Variants in ARHGEF25 observed in about 807,000 individuals in gnomAD.
ARHGEF25 encodes the protein Rho guanine nucleotide exchange factor 25, also known as RAC/CDC42 exchange factor.
Under a neutral mutation model 74.0 loss-of-function variants are expected in ARHGEF25, and 42 were observed. The ratio of observed to expected loss-of-function variants is 0.57; its 90% CI spans 0.44 to 0.73. The LOEUF is 0.73. Ranked by LOEUF, ARHGEF25 falls within the 30% of genes least tolerant of loss-of-function variation. ARHGEF25 has a pLI of 0.00. For synonymous variants in ARHGEF25, 293 were observed against 278.6 expected (o/e 1.05, Z -0.51); for missense variants, 645 against 725.5 (o/e 0.89, Z 1.27).
At chr12:57,613,955 C>T (rs1884169152) in intron 5 of ARHGEF25, 61 bp from the exon 6 acceptor site, 1 of 1,547,954 alleles carries the variant, frequency 6.5e-7, no homozygotes, top group Non-Finnish European at 8.9e-7. Flanking sequence ...TGTACAGGAG[C>T]ACCATTAAGG....
Position 57,615,594 on chromosome 12 carries a change from C to T in ARHGEF25, c.1121C>T (p.Ser374Phe), listed in dbSNP as rs1884247206. ...TEPEAGGLLS[S>F]RGRERRVFLF... ...CCTGAGGCTGGAGGGCTGCTGTCTT[C>T]CCGAGGTCGAGAGAGGCGCGTCTTC... Residue 374 changes from serine (S) to phenylalanine (F), a missense_variant, in exon 12 of 15, where the codon TCC becomes TTC. Physicochemically the swap from Ser to Phe is radical, Grantham distance 155. Around this residue, in one of 3 missense-constraint regions of ARHGEF25, gnomAD observed 262 missense variants for 256.9 expected, o/e 1.02. Transcript: ENST00000286494. The T allele has an allele frequency of 1.2e-6, 2 of 1,614,070 alleles. No individual in the cohort carries two copies. The highest frequency in any genetic ancestry group is 1.7e-5 in the Admixed American group (1 of 60,004).
intron 14 of ARHGEF25, 142 bp downstream of exon 14, chr12:57,616,637 A>G (rs1594963484): frequency 4.0e-6 from 4 of 1,007,514 alleles, no homozygotes; most frequent in South Asian, 1.6e-5. Context: ...TCTCCCCTCT[A>G]TTTTAACTCT....
rs1179265081 is a variant in ARHGEF25, at chr12:57,612,941, A to T, written c.109A>T (p.Ile37Phe). Reference sequence around the variant, plus strand: ...TTTCCTCCCATTAGAATCCTATTCCATTGCGGGCAGTGAGGGGAGTATATC... The same window carrying T: ...TTTCCTCCCATTAGAATCCTATTCCTTTGCGGGCAGTGAGGGGAGTATATC... The part of the protein sequence containing the change: ...FARGGRESYS[I>F]AGSEGSISAS... The change falls in exon 2 of 15, where the codon ATT (isoleucine) becomes TTT (phenylalanine). Residue 37 changes from isoleucine to phenylalanine, a missense_variant. By Grantham distance (21) the Ile-to-Phe change is conservative (BLOSUM62 0). Coordinates refer to ENST00000286494, the MANE Select transcript of ARHGEF25 (RefSeq NM_182947.4). The T allele has an allele frequency of 6.2e-7, 1 of 1,613,920 alleles. No homozygotes were observed. Among genetic ancestry groups the T allele is most frequent in the South Asian group, 1.1e-5 (1 of 91,062 alleles).
In ARHGEF25 at chr12:57,611,703, C is replaced by T; in HGVS notation, c.-192C>T. On this transcript the variant is annotated 5_prime_UTR_variant, in exon 1 of 15. Transcript: ENST00000286494. This position sits in a 1 kb window ranked among gnomAD's most constrained non-coding sequence, Gnocchi z 4.5. ...CGCGCCTCTCTCTCTCTAGAGCCCC[C>T]AGCCCTCCTCAAGACTAGACTTCCG... is the stretch of plus-strand genomic sequence containing the variant. The T allele has an allele frequency of 8.6e-7, 1 of 1,164,618 alleles. No homozygotes were observed. The highest frequency in any genetic ancestry group is 1.1e-6 in the Non-Finnish European group (1 of 945,044). 72.1% of individuals were successfully genotyped at this position (1,164,618 alleles called of 1,614,324 possible).
At chr12:57,615,771 G>T in intron 12 of ARHGEF25, 59 bp downstream of exon 12, 1 of 1,611,178 alleles carries the variant, frequency 6.2e-7, no homozygotes, top group Non-Finnish European at 8.5e-7. Flanking sequence ...GCCTCTGAGA[G>T]GATGTCTCAG....
rs1405689214 is a variant in ARHGEF25, at chr12:57,613,340, G to T, written c.389G>T (p.Gly130Val). 6.2e-7 allele frequency: 1 copy of T among 1,614,228 alleles called. No homozygotes were observed. The highest frequency in any genetic ancestry group is 8.5e-7 in the Non-Finnish European group (1 of 1,180,038). ...ELTLLTTLLEGPGDKTQPPEE... is the reference protein window; with the variant it reads ...ELTLLTTLLEVPGDKTQPPEE... The stretch of plus-strand genomic sequence containing the variant: ...ACCTTGCTGACCACACTGTTGGAGG[G>T]CCCTGGAGATAAGACGCAGGTGTGA... The change falls in exon 3 of 15, where the codon GGC becomes GTC. Residue 130 changes from glycine to valine, a missense_variant. Transcript: ENST00000286494.
chr12:57,610,753 C>A (rs1045804254), upstream of ARHGEF25: 65 of 1,322,156 alleles, frequency 4.9e-5, 1 homozygote, highest in African/African-American at 5.2e-4. Context: ...CAAAAATATT[C>A]TATTCTTATT....
At position 57,613,122 on chromosome 12, in the gene ARHGEF25, G is replaced by C; in HGVS notation, c.290G>C (p.Ser97Thr). Residue 97 changes from serine to threonine, a missense_variant, in exon 2 of 15, where the codon AGT (serine) becomes ACT (threonine). Physicochemically the swap from Ser to Thr is moderately conservative, Grantham distance 58. This residue lies in a region of ARHGEF25 where 189 missense variants were observed against 199.1 expected (regional missense o/e 0.95). Transcript: ENST00000286494. Reference protein sequence around the residue: ...HCLSVETEADSGQAGPYENWM... With the variant: ...HCLSVETEADTGQAGPYENWM... Reference sequence around the variant, plus strand: ...CTCAGTGTGGAAACTGAGGCAGACAGTGGTCAGGCAGGACCATATGAGGTG... The same window carrying C: ...CTCAGTGTGGAAACTGAGGCAGACACTGGTCAGGCAGGACCATATGAGGTG... The C allele has an allele frequency of 6.2e-7, 1 of 1,613,418 alleles. No homozygotes were observed. Among genetic ancestry groups the C allele is most frequent in the South Asian group, 1.1e-5 (1 of 91,076 alleles).
At chr12:57,615,179 T>A in intron 10 of ARHGEF25, 58 bp from the exon 11 acceptor site, 1 of 1,562,454 alleles carries the variant, frequency 6.4e-7, no homozygotes. Flanking sequence ...CGAGGAGGCC[T>A]CTTTCCCAAT....
intron 13 of ARHGEF25, 73 bp downstream of exon 13, chr12:57,616,090 C>T: frequency 6.5e-7 from 1 of 1,540,970 alleles, no homozygotes; most frequent in Admixed American, 1.9e-5. Flanking sequence ...ACTGCCCAGT[C>T]TCCAGTACCT....
intron 14 of ARHGEF25, 102 bp downstream of exon 14, chr12:57,616,597 T>C (rs1192661706): frequency 4.3e-6 from 5 of 1,155,708 alleles, no homozygotes; most frequent in Non-Finnish European, 6.2e-6. Flanking sequence ...TCCTTTTATC[T>C]GGTCCTTCCT....
At chr12:57,615,363 G>A (rs1359924061) in intron 11 of ARHGEF25, 49 bp downstream of exon 11, 2 of 1,583,566 alleles carry the variant, frequency 1.3e-6, no homozygotes, top group Non-Finnish European at 8.6e-7. Flanking sequence ...TTCTGCCCCA[G>A]CCCTAGCATT....
chr12:57,611,184 C>A (rs1350292559), upstream of ARHGEF25, among the ~76,000 whole-genome samples: 2 of 152,256 alleles, frequency 1.3e-5, no homozygotes, highest in African/African-American at 4.8e-5. This position sits in a 1 kb window ranked among gnomAD's most constrained non-coding sequence, Gnocchi z 4.5. Context: ...GCAGACCCTG[C>A]AGACAGGCTG....
chr12:57,612,177 T>C (rs1421852315), intron 1 of ARHGEF25, 186 bp downstream of exon 1: 3 of 383,606 alleles, frequency 7.8e-6, no homozygotes, highest in Non-Finnish European at 1.3e-5. Flanking sequence ...GTTAAGGAAA[T>C]AGGGGAAGGG....
rs1460119506 is a variant in ARHGEF25, at chr12:57,613,420, A to T, written c.409-20A>T. ...CAAGGGGCATTCGTTTGCTCACCCT[A>T]GGATGTTCTTTCCTTCCAGCCACCT... On this transcript the variant is annotated intron_variant, in intron 3 of 14. Transcript: ENST00000286494. 6.2e-7 allele frequency: 1 copy of T among 1,614,036 alleles called. No individual in the cohort carries two copies. Among genetic ancestry groups the T allele is most frequent in the South Asian group, 1.1e-5 (1 of 91,088 alleles).
rs779255903 is a variant in ARHGEF25, at chr12:57,616,750, CT to C, written c.1633-29del. ...AGAGAAGTGAGGGTAGATTTCTGGC[CT>C]TTTTGATCCTCTGACTTGAATCTTT... On this transcript the variant is annotated intron_variant, in intron 14 of 14. Transcript: ENST00000286494. 4.7e-6 allele frequency: 7 copies of C among 1,489,342 alleles called. No individual in the cohort carries two copies. The African/African-American group carries it at 8.4e-5, about 18-fold the overall frequency. 92.3% of individuals were successfully genotyped at this position (1,489,342 alleles called of 1,614,324 possible).
intron 5 of ARHGEF25, 104 bp downstream of exon 5, chr12:57,613,864 C>G: frequency 6.6e-7 from 1 of 1,505,502 alleles, no homozygotes; most frequent in Non-Finnish European, 9.1e-7. Flanking sequence ...CCTCTCAAGC[C>G]TCCCCACTCC....
intron 1 of ARHGEF25, 121 bp from the exon 2 acceptor site, chr12:57,612,809 G>A: frequency 2.0e-6 from 3 of 1,505,964 alleles, no homozygotes; most frequent in East Asian, 2.3e-5. Flanking sequence ...GATGGCAAGA[G>A]AGTGAGCCCT....
rs762737367 is a variant in ARHGEF25, at chr12:57,615,969, A to T, written c.1372A>T (p.Ile458Phe). ...AGACCCTGCTATCAGTCAGGCCTGG[A>T]TCAAGCATGTGGCTCAGATCTTGGA... Reference protein sequence around the residue: ...AADPAISQAWIKHVAQILESQ... With the variant: ...AADPAISQAWFKHVAQILESQ... Residue 458 changes from isoleucine to phenylalanine, a missense_variant, in exon 13 of 15, where the codon ATC (isoleucine) becomes TTC (phenylalanine). Physicochemically the swap from Ile to Phe is conservative, Grantham distance 21 (BLOSUM62 0). Coordinates refer to ENST00000286494, the MANE Select transcript of ARHGEF25 (RefSeq NM_182947.4). 17 of 1,613,896 alleles carry T rather than the reference A, an allele frequency of 1.1e-5. No homozygotes were observed. The highest frequency in any genetic ancestry group is 1.4e-5 in the Non-Finnish European group (17 of 1,179,948).
Sources: allele counts gnomAD v4.1 joint callset (sites outside exome capture counted in the v4.1 genomes callset), GRCh38; gene constraint gnomAD v4.1.1; regional missense constraint gnomAD v4.1.1; non-coding constraint Gnocchi (gnomAD v3.1); transcripts MANE v1.5; gene names NCBI Gene and HGNC (gene_info 2026-07-23, HGNC 2026-07-21).